Variants in NETO1 observed in about 807,000 individuals in gnomAD.
NETO1 encodes the protein neuropilin and tolloid-like protein 1.
Under a neutral mutation model 61.3 loss-of-function variants are expected in NETO1, and 26 were observed. The observed-to-expected ratio is 0.42, with a 90% CI of 0.31 to 0.59. The LOEUF is 0.59. Ranked by LOEUF, NETO1 falls within the 20% of genes least tolerant of loss-of-function variation. The pLI, the probability that NETO1 is intolerant of heterozygous loss-of-function variation, is 0.12. For synonymous variants in NETO1, 225 were observed against 225.8 expected, an observed-to-expected ratio of 1.00 and a Z score of 0.03; for missense variants, 531 against 662.8, an observed-to-expected ratio of 0.80 and a Z score of 2.18.
chr18:72,810,273 A>T (rs926010167), intron 4 of NETO1, among the ~76,000 whole-genome samples: 2 of 152,210 alleles, frequency 1.3e-5, no homozygotes, highest in Admixed American at 6.5e-5. Context: ...TTGAACGGGC[A>T]TCTGAAACCA....
chr18:72,820,582 C>CG (rs906450430), intron 4 of NETO1, among the ~76,000 whole-genome samples: 2 of 152,144 alleles, frequency 1.3e-5, no homozygotes, highest in African/African-American at 4.8e-5. Context: ...GCCACTTGGC[C>CG]GGGGGGTGAT....
intron 4 of NETO1, among the ~76,000 whole-genome samples, chr18:72,851,341 A>G (rs1253299394): frequency 6.6e-6 from 1 of 151,744 alleles, no homozygotes; most frequent in Admixed American, 6.6e-5. Flanking sequence ...AACCCGGGAG[A>G]AGGAGGTTGT....
intron 4 of NETO1, among the ~76,000 whole-genome samples, chr18:72,850,803 G>A (rs2074225163): frequency 6.6e-6 from 1 of 152,156 alleles, no homozygotes; most frequent in South Asian, 2.1e-4. Context: ...ATTTAGTGAG[G>A]GGTGTGGGTG....
At chr18:72,752,578 T>C (rs773908449) in intron 8 of NETO1, among the ~76,000 whole-genome samples, 2 of 150,380 alleles carry the variant, frequency 1.3e-5, no homozygotes, top group Non-Finnish European at 3.0e-5. Flanking sequence ...TAATCTAACA[T>C]GTGATTTTCA....
chr18:72,825,501 T>C (rs1295450337), intron 4 of NETO1, among the ~76,000 whole-genome samples: 1 of 152,106 alleles, frequency 6.6e-6, no homozygotes, highest in Non-Finnish European at 1.5e-5. Context: ...ATTTTCCATG[T>C]ATTATTATTT....
intron 7 of NETO1, among the ~76,000 whole-genome samples, chr18:72,782,064 T>C (rs2071760134): frequency 6.6e-6 from 1 of 152,132 alleles, no homozygotes; most frequent in Admixed American, 6.5e-5. Flanking sequence ...ATGGACTCAG[T>C]GTTTAGCTCT....
chr18:72,820,588 G>C (rs1270965715), intron 4 of NETO1, among the ~76,000 whole-genome samples: 2 of 152,246 alleles, frequency 1.3e-5, no homozygotes, highest in African/African-American at 4.8e-5. Flanking sequence ...TGGCCGGGGG[G>C]TGATCTCTGG....
chr18:72,751,565 C>G (rs2070618390), intron 8 of NETO1, among the ~76,000 whole-genome samples: 1 of 152,126 alleles, frequency 6.6e-6, no homozygotes, highest in Non-Finnish European at 1.5e-5. Flanking sequence ...TCTGGGGCTC[C>G]CGAGGTTCCT....
intron 4 of NETO1, among the ~76,000 whole-genome samples, chr18:72,823,492 G>C (rs939359013): frequency 2.6e-5 from 4 of 152,008 alleles, no homozygotes; most frequent in Non-Finnish European, 4.4e-5. Flanking sequence ...CCAGGTAGAG[G>C]GAAGAGGATG....
Position 72,864,798 on chromosome 18 carries a change from C to T in NETO1, c.220+10G>A. On this transcript the variant is annotated intron_variant, in intron 3 of 10. Transcript: ENST00000327305. ...AGTGCTTTCTTAACTCTGGCACTGT[C>T]TCCCCTTACCTTCTATGATGTAGAT... 10 of 1,613,594 alleles carry T rather than the reference C, an allele frequency of 6.2e-6. No individual in the cohort carries two copies. Among genetic ancestry groups the T allele is most frequent in the Non-Finnish European group, 7.6e-6 (9 of 1,179,880 alleles).
At chr18:72,809,391 C>G (rs538769437) in intron 4 of NETO1, among the ~76,000 whole-genome samples, 97 of 152,288 alleles carry the variant, frequency 6.4e-4, no homozygotes, top group African/African-American at 2.2e-3. Context: ...GTAACTAACA[C>G]TTATTGACAG....
At chr18:72,751,053 A>ACACACACACACACACAC (rs1445900500) in intron 8 of NETO1, among the ~76,000 whole-genome samples, 5 of 149,928 alleles carry the variant, frequency 3.3e-5, no homozygotes, top group Non-Finnish European at 7.4e-5. Flanking sequence ...CTTAAAATAC[A>ACACACACACACACACAC]CACACACACA....
At position 72,749,008 on chromosome 18, in the gene NETO1, G is replaced by T. The variant is rs752526128; in HGVS notation, c.*14+6C>A. 2.5e-6 allele frequency: 4 copies of T among 1,590,878 alleles called. No individual in the cohort carries two copies. In the South Asian group the frequency reaches 4.4e-5, roughly 18 times the overall value. ...GTAGGAAAAGGAACCAAGGGCATCT[G>T]CTTACCTTGAATTTTCTTTCTAGAC... is the stretch of plus-strand genomic sequence containing the variant. On this transcript the variant is annotated splice_donor_region_variant and intron_variant, in intron 10 of 10. Coordinates refer to ENST00000327305, the MANE Select transcript of NETO1 (RefSeq NM_138966.5).
intron 4 of NETO1, among the ~76,000 whole-genome samples, chr18:72,816,648 G>C (rs1255754600): frequency 6.6e-6 from 1 of 152,162 alleles, no homozygotes; most frequent in Non-Finnish European, 1.5e-5. Context: ...CAAAGGAAAA[G>C]GCAACCGTGC....
At chr18:72,759,464 C>G (rs747917146) in intron 7 of NETO1, among the ~76,000 whole-genome samples, 5 of 152,066 alleles carry the variant, frequency 3.3e-5, no homozygotes, top group Non-Finnish European at 5.9e-5. Flanking sequence ...CTTAAGCTTA[C>G]TAGGCTTGTA....
At chr18:72,759,218 C>T (rs2070889575) in intron 7 of NETO1, among the ~76,000 whole-genome samples, 2 of 152,152 alleles carry the variant, frequency 1.3e-5, no homozygotes, top group South Asian at 4.1e-4. Context: ...CCCCAGATAC[C>T]CCTTCTCCAC....
chr18:72,783,555 A>C (rs1215542581), intron 7 of NETO1, 123 bp downstream of exon 7: 1 of 757,212 alleles, frequency 1.3e-6, no homozygotes, highest in African/African-American at 1.8e-5. Context: ...TTAGTGGTTT[A>C]AACAACATAT....
chr18:72,787,612 A>G (rs1173227574), intron 6 of NETO1, among the ~76,000 whole-genome samples: 1 of 152,236 alleles, frequency 6.6e-6, no homozygotes, highest in African/African-American at 2.4e-5. Flanking sequence ...AGCTTAAGAC[A>G]CTGCTAATGC....
Position 72,862,622 on chromosome 18 carries a change from C to CTTT in NETO1, c.220+2183_220+2185dup, listed in dbSNP as rs11453772. 2.5e-4 allele frequency among the ~76,000 whole-genome samples: 30 copies of CTTT among 122,416 alleles called. 1 individual carries two copies. The highest frequency in any genetic ancestry group is 3.1e-4 in the Non-Finnish European group (19 of 60,832). 80.3% of individuals were successfully genotyped at this position (122,416 alleles called of 152,430 possible). A position where few individuals can be genotyped will look rare whatever the true frequency, so the allele number is the denominator to read the frequency against. ...CAGCCACTCATGATCCTTTTTTTTT[C>CTTT]TTTTTTTTTTTTTTTTGAGACAGAG... On this transcript the variant is annotated intron_variant, in intron 3 of 10. Transcript: ENST00000327305.
Sources: gnomAD v4.1 joint callset for allele counts (sites outside exome capture counted in the v4.1 genomes callset) on GRCh38, gnomAD v4.1.1 for gene constraint, MANE v1.5 for transcripts, NCBI Gene and HGNC (gene_info 2026-07-23, HGNC 2026-07-21) for gene names.